The following CPNE4 variants were observed in gnomAD, a reference collection of about 807,000 sequenced individuals.
CPNE4 encodes copine 4, also known as copine-4.
In CPNE4, 25 loss-of-function variants were observed where a neutral mutation model predicts 67.9. The observed-to-expected ratio is 0.37, with a 90% CI of 0.27 to 0.51. CPNE4 has a LOEUF of 0.51. Among genes scored for constraint, CPNE4 ranks in the 20% least tolerant of loss-of-function variants. The probability of loss-of-function intolerance (pLI) is 0.93; values close to 1 mark genes in which losing one functional copy is unlikely to be tolerated. For missense variants in CPNE4, 464 were observed against 690.8 expected (o/e 0.67, Z 3.68); for synonymous variants, 242 against 244.9 (o/e 0.99, Z 0.11).
At chr3:131,967,802 A>G (rs1418460124) in intron 1 of CPNE4, among the ~76,000 whole-genome samples, 2 of 152,228 alleles carry the variant, frequency 1.3e-5, no homozygotes, top group African/African-American at 4.8e-5. Flanking sequence ...TATAGATTCA[A>G]TGCTGTTTCC....
intron 1 of CPNE4, among the ~76,000 whole-genome samples, chr3:131,921,952 CA>C (rs1448672590): frequency 6.6e-6 from 1 of 152,090 alleles, no homozygotes; most frequent in Non-Finnish European, 1.5e-5. Context: ...ATTTTAGATT[CA>C]GGGGGCACAT....
chr3:131,938,003 T>C (rs1388243701), intron 1 of CPNE4, among the ~76,000 whole-genome samples: 1 of 152,066 alleles, frequency 6.6e-6, no homozygotes, highest in Non-Finnish European at 1.5e-5. Context: ...AAGATAATAC[T>C]CGAATAAAAA....
intron 7 of CPNE4, among the ~76,000 whole-genome samples, chr3:131,601,659 G>A (rs1210177721): frequency 6.6e-6 from 1 of 152,112 alleles, no homozygotes. Context: ...GAGCCTGAAG[G>A]GACAACCGGA....
At chr3:131,978,602 T>C (rs901530794) in intron 1 of CPNE4, among the ~76,000 whole-genome samples, 27 of 127,372 alleles carry the variant, frequency 2.1e-4, no homozygotes, top group African/African-American at 8.0e-4. Context: ...TTGGTTAATC[T>C]TGCCAATGGT....
chr3:131,713,469 G>C (rs1298967152), intron 3 of CPNE4, among the ~76,000 whole-genome samples: 1 of 152,054 alleles, frequency 6.6e-6, no homozygotes, highest in Non-Finnish European at 1.5e-5. Context: ...AAAGAAATGA[G>C]AATGTGTGGA....
chr3:131,788,901 C>T (rs967076750), intron 2 of CPNE4, among the ~76,000 whole-genome samples: 16 of 151,664 alleles, frequency 1.1e-4, no homozygotes, highest in African/African-American at 1.5e-4. Flanking sequence ...ATGATTATGT[C>T]GGGATGGTAG....
At chr3:131,565,322 A>G (rs1936999348) in intron 10 of CPNE4, among the ~76,000 whole-genome samples, 1 of 152,080 alleles carries the variant, frequency 6.6e-6, no homozygotes, top group Non-Finnish European at 1.5e-5. Context: ...GGGGTAGAGT[A>G]GAATACATTC....
intron 2 of CPNE4, among the ~76,000 whole-genome samples, chr3:131,787,036 A>G (rs1426691054): frequency 6.6e-6 from 1 of 152,084 alleles, no homozygotes; most frequent in Non-Finnish European, 1.5e-5. Context: ...CTGCCTCTCT[A>G]TTTGTATCTT....
intron 2 of CPNE4, among the ~76,000 whole-genome samples, chr3:131,767,905 A>G (rs1353421706): frequency 6.6e-6 from 1 of 152,046 alleles, no homozygotes; most frequent in South Asian, 2.1e-4. Flanking sequence ...CCAAGTATCC[A>G]ATTTCTGGAC....
At chr3:131,659,934 T>G (rs1330805850) in intron 7 of CPNE4, among the ~76,000 whole-genome samples, 1 of 152,056 alleles carries the variant, frequency 6.6e-6, no homozygotes, top group Non-Finnish European at 1.5e-5. Context: ...CAAAGTCATG[T>G]TAACAGGAAG....
intron 7 of CPNE4, among the ~76,000 whole-genome samples, chr3:131,660,935 T>A (rs1383617687): frequency 1.3e-5 from 2 of 152,156 alleles, no homozygotes; most frequent in Admixed American, 6.6e-5. Context: ...CCTCTTCATA[T>A]TTTTTCCCCT....
chr3:132,018,103 A>G (rs1204821550), intron 1 of CPNE4, among the ~76,000 whole-genome samples: 2 of 152,194 alleles, frequency 1.3e-5, no homozygotes, highest in African/African-American at 2.4e-5. Context: ...AGACGTCTCC[A>G]TTTGCTCCCT....
intron 4 of CPNE4, among the ~76,000 whole-genome samples, chr3:131,697,506 C>T (rs1355612240): frequency 5.3e-5 from 8 of 152,192 alleles, no homozygotes; most frequent in African/African-American, 1.9e-4. Flanking sequence ...GGTCCATATA[C>T]TTTCAATAGT....
At chr3:131,642,808 T>C (rs2079571900) in intron 7 of CPNE4, among the ~76,000 whole-genome samples, 1 of 152,134 alleles carries the variant, frequency 6.6e-6, no homozygotes, top group Non-Finnish European at 1.5e-5. Flanking sequence ...TCCTGAGGCC[T>C]CCCCAGCCCT....
chr3:131,797,343 C>T (rs1164281000), intron 2 of CPNE4, among the ~76,000 whole-genome samples: 1 of 152,130 alleles, frequency 6.6e-6, no homozygotes, highest in Non-Finnish European at 1.5e-5. Context: ...GGGGCTCTTT[C>T]CATGATTTTT....
At chr3:131,765,997 T>C (rs142080316) in intron 2 of CPNE4, among the ~76,000 whole-genome samples, 6 of 152,204 alleles carry the variant, frequency 3.9e-5, no homozygotes, top group Admixed American at 2.0e-4. Flanking sequence ...TACTGGGCTA[T>C]GACAGGGAAG....
At chr3:131,772,464 T>C (rs2083191838) in intron 2 of CPNE4, among the ~76,000 whole-genome samples, 1 of 152,146 alleles carries the variant, frequency 6.6e-6, no homozygotes, top group South Asian at 2.1e-4. Context: ...ATTAGTCACA[T>C]GCAAGGGAGT....
chr3:131,603,177 A>G (rs10512818), intron 7 of CPNE4, among the ~76,000 whole-genome samples: 20,207 of 152,114 alleles, frequency 0.13, 1,922 homozygotes, highest in African/African-American at 0.26. Flanking sequence ...CTCATTATCA[A>G]GTCTTTATTG....
chr3:132,029,164 T>C (rs1025085109), intron 1 of CPNE4, among the ~76,000 whole-genome samples: 3 of 152,128 alleles, frequency 2.0e-5, no homozygotes, highest in Non-Finnish European at 4.4e-5. Flanking sequence ...GTTCTTCTGA[T>C]AACAGGCCCA....
Sources: allele counts gnomAD v4.1 joint callset (sites outside exome capture counted in the v4.1 genomes callset), GRCh38; gene constraint gnomAD v4.1.1; transcripts MANE v1.5; gene names NCBI Gene and HGNC (gene_info 2026-07-23, HGNC 2026-07-21).